LPIN2: variants seen among roughly 807,000 people sequenced by gnomAD.
LPIN2 encodes the protein phosphatidate phosphatase LPIN2.
LPIN2 carries 55 observed loss-of-function variants against 111.4 expected under a neutral mutation model. The ratio of observed to expected loss-of-function variants is 0.49; its 90% confidence interval spans 0.40 to 0.62. The LOEUF is 0.62. Ranked by LOEUF, LPIN2 falls within the 20% of genes least tolerant of loss-of-function variation. LPIN2 has a pLI of 0.00. For missense variants in LPIN2, 992 were observed against 1,112.1 expected (o/e 0.89, Z 1.54); for synonymous variants, 425 against 414.0 (o/e 1.03, Z -0.32).
At chr18:2,994,768 G>GT (rs1182902898) in intron 1 of LPIN2, among the ~76,000 whole-genome samples, 4 of 152,150 alleles carry the variant, frequency 2.6e-5, no homozygotes, top group African/African-American at 9.7e-5. Flanking sequence ...CCAAAAAAAT[G>GT]TCTCCGGTTA....
chr18:2,988,653 T>C (rs1369027764), intron 1 of LPIN2, among the ~76,000 whole-genome samples: 4 of 152,226 alleles, frequency 2.6e-5, no homozygotes, highest in Non-Finnish European at 5.9e-5. Flanking sequence ...GGGGAAAAGT[T>C]AGTCAGCTTT....
At chr18:2,982,133 A>G (rs2078120443) in intron 1 of LPIN2, among the ~76,000 whole-genome samples, 1 of 152,184 alleles carries the variant, frequency 6.6e-6, no homozygotes, top group East Asian at 1.9e-4. Context: ...CATACAATTT[A>G]TATTTTCCCC....
chr18:2,987,217 C>A (rs1255363829), intron 1 of LPIN2, among the ~76,000 whole-genome samples: 1 of 152,110 alleles, frequency 6.6e-6, no homozygotes, highest in East Asian at 1.9e-4. Flanking sequence ...GTGCTTTAAT[C>A]TTTTCAGAAA....
intron 1 of LPIN2, among the ~76,000 whole-genome samples, chr18:2,975,958 C>A (rs574596603): frequency 6.6e-6 from 1 of 152,120 alleles, no homozygotes; most frequent in Non-Finnish European, 1.5e-5. Flanking sequence ...CCAACTCTAT[C>A]GGAAGTTTTT....
intron 1 of LPIN2, among the ~76,000 whole-genome samples, chr18:2,989,025 A>C (rs954237533): frequency 5.9e-5 from 9 of 152,212 alleles, no homozygotes; most frequent in Non-Finnish European, 8.8e-5. Flanking sequence ...GCAGCCAAGC[A>C]CTATTTATTT....
intron 1 of LPIN2, among the ~76,000 whole-genome samples, chr18:2,994,008 T>C (rs537437161): frequency 4.1e-4 from 63 of 152,272 alleles, no homozygotes; most frequent in African/African-American, 1.4e-3. Context: ...CATACAGGTA[T>C]TGAAAAAGTC....
intron 2 of LPIN2, among the ~76,000 whole-genome samples, chr18:2,960,217 T>TGTGTTC (rs1236265313): frequency 6.7e-6 from 1 of 149,678 alleles, no homozygotes; most frequent in African/African-American, 2.5e-5. Context: ...TGTGTGTGTG[T>TGTGTTC]GTTCTTGATT....
Position 2,927,789 on chromosome 18 carries a change from T to C in LPIN2, c.1643A>G (p.Lys548Arg), listed in dbSNP as rs760815612. ...LPKATVESWV[K>R]DKMPKKSGRW... The stretch of plus-strand genomic sequence containing the variant: ...ACCAGATTTCTTTGGCATCTTGTCT[T>C]TCACCCAGGACTCAACTGTGGCCTG... Residue 548 changes from lysine (K) to arginine (R), a missense_variant, in exon 12 of 20, where the codon AAA (lysine) becomes AGA (arginine). Lys to Arg is a conservative substitution (Grantham distance 26). This residue lies in a region of LPIN2 where 709 missense variants were observed against 753.2 expected (regional missense o/e 0.94). Coordinates refer to ENST00000677752, the MANE Select transcript of LPIN2 (RefSeq NM_001375808.2). 3.1e-6 allele frequency: 5 copies of C among 1,614,064 alleles called. No homozygotes were observed. Among genetic ancestry groups the C allele is most frequent in the Non-Finnish European group, 4.2e-6 (5 of 1,180,012 alleles).
chr18:2,945,532 C>T, intron 4 of LPIN2: 1 of 1,202,472 alleles, frequency 8.3e-7, no homozygotes, highest in Non-Finnish European at 1.2e-6. Context: ...AATAGCCTTC[C>T]TCCCATCTCC....
intron 2 of LPIN2, among the ~76,000 whole-genome samples, chr18:2,958,183 GAAA>G (rs977003330): frequency 1.6e-5 from 1 of 62,564 alleles, no homozygotes; most frequent in African/African-American, 5.3e-5. Context: ...ACAGAAAAAA[GAAA>G]AAAAAACTTT....
At chr18:2,957,454 A>G (rs554770328) in intron 2 of LPIN2, among the ~76,000 whole-genome samples, 42 of 152,292 alleles carry the variant, frequency 2.8e-4, no homozygotes, top group African/African-American at 7.7e-4. Context: ...GAAATCCAAA[A>G]TGCTCTGGTC....
chr18:2,951,766 A>G (rs1223631001), intron 3 of LPIN2, among the ~76,000 whole-genome samples: 1 of 152,260 alleles, frequency 6.6e-6, no homozygotes, highest in Non-Finnish European at 1.5e-5. Flanking sequence ...AGCAGAAGGC[A>G]GAGATTAAGG....
At chr18:2,972,749 A>T (rs2077942492) in intron 1 of LPIN2, among the ~76,000 whole-genome samples, 1 of 152,192 alleles carries the variant, frequency 6.6e-6, no homozygotes. Flanking sequence ...AACTTGTTTC[A>T]AACTATCATA....
intron 19 of LPIN2, 78 bp downstream of exon 19, chr18:2,920,700 G>T (rs1042586054): frequency 7.3e-6 from 8 of 1,099,132 alleles, no homozygotes; most frequent in East Asian, 4.7e-5. Context: ...GGATCAGGGG[G>T]AAAAGGACAG....
At position 2,938,246 on chromosome 18, in the gene LPIN2, G is replaced by A. The variant is rs921545817; in HGVS notation, c.823-209C>T. 5.5e-4 allele frequency among the ~76,000 whole-genome samples: 83 copies of A among 152,070 alleles called. 3 individuals carry two copies. The highest frequency in any genetic ancestry group is 2.1e-4 in the South Asian group (1 of 4,812). The stretch of plus-strand genomic sequence containing the variant: ...CATGATACTTATAAATGTTCTGGCC[G>A]GGCACAGTGGCTCACGCCTATAATC... On this transcript the variant is annotated intron_variant, in intron 6 of 19. Coordinates refer to ENST00000677752, the MANE Select transcript of LPIN2 (RefSeq NM_001375808.2).
At chr18:2,951,499 C>T in intron 3 of LPIN2, 143 bp from the exon 4 acceptor site, 1 of 744,264 alleles carries the variant, frequency 1.3e-6, no homozygotes, top group Non-Finnish European at 2.2e-6. Context: ...TCCCACTGAA[C>T]TAAGGCACTG....
intron 1 of LPIN2, among the ~76,000 whole-genome samples, chr18:2,967,908 G>A (rs1243931688): frequency 3.3e-5 from 5 of 152,046 alleles, no homozygotes; most frequent in East Asian, 1.9e-4. Context: ...AATAGCAGCC[G>A]CACAAGAACA....
intron 1 of LPIN2, among the ~76,000 whole-genome samples, chr18:2,995,314 T>C (rs1161160337): frequency 6.6e-6 from 1 of 152,234 alleles, no homozygotes; most frequent in Non-Finnish European, 1.5e-5. Context: ...TAAATCTAAA[T>C]GCTTCAATCA....
rs1047025176 is a variant in LPIN2, at chr18:2,931,353, A to G, written c.1359T>C (p.Asp453=). 3.1e-6 allele frequency: 5 copies of G among 1,613,946 alleles called. No homozygotes were observed. In the African/African-American group the frequency reaches 6.7e-5, roughly 22 times the overall value. ...AATCTGAGAGGCACTCGGTGCCGCT[A>G]TCTGCAGCTGCGCTTCCCACGGACT... is the stretch of plus-strand genomic sequence containing the variant. ...SPQSVGSAAA[D]SGTECLSDSA... is the part of the protein sequence containing the mutation. The change falls in exon 9 of 20, where the codon GAT becomes GAC. Residue 453 remains aspartate (D), a synonymous_variant. Transcript: ENST00000677752.
Sources: gnomAD v4.1 joint callset for allele counts (sites outside exome capture counted in the v4.1 genomes callset) on GRCh38, gnomAD v4.1.1 for gene constraint, gnomAD v4.1.1 regional missense constraint, MANE v1.5 for transcripts, NCBI Gene and HGNC (gene_info 2026-07-23, HGNC 2026-07-21) for gene names.